SLC16A7: variants seen among roughly 807,000 people sequenced by gnomAD.
SLC16A7 encodes the protein solute carrier family 16 member 7, also known as monocarboxylate transporter 2.
SLC16A7 carries 33 observed loss-of-function variants against 34.9 expected under a neutral mutation model. The ratio of observed to expected loss-of-function variants is 0.94; its 90% CI spans 0.72 to 1.26. SLC16A7 has a LOEUF of 1.26. SLC16A7 is among the 50% of genes most tolerant of loss of function. The pLI, the probability that SLC16A7 is intolerant of heterozygous loss-of-function variation, is 0.00. For synonymous variants in SLC16A7, 201 were observed against 206.6 expected (o/e 0.97, Z 0.23); for missense variants, 573 against 578.1 (o/e 0.99, Z 0.09).
At chr12:59,747,378 G>C (rs973479774) in intron 3 of SLC16A7, among the ~76,000 whole-genome samples, 2 of 151,998 alleles carry the variant, frequency 1.3e-5, no homozygotes, top group African/African-American at 4.8e-5. Context: ...AAAATATATT[G>C]TACAGAAAAT....
chr12:59,642,174 G>A (rs904581731), intron 1 of SLC16A7, among the ~76,000 whole-genome samples: 15 of 151,974 alleles, frequency 9.9e-5, no homozygotes, highest in African/African-American at 3.4e-4. Context: ...TGCTCTGTTA[G>A]CATTTCCTGT....
Position 59,775,227 on chromosome 12 carries a change from C to T in SLC16A7, c.932C>T (p.Pro311Leu), listed in dbSNP as rs763385524. 7 of 1,613,936 alleles carry T rather than the reference C, an allele frequency of 4.3e-6. No homozygotes were observed. The African/African-American group carries it at 9.3e-5, about 22-fold the overall frequency. ...GLIANSKYIR[P>L]RIQYFFSFAI... Reference sequence around the variant, plus strand: ...ATTGCAAACTCCAAATATATTCGACCTCGAATTCAGTACTTCTTCAGTTTT... The same window carrying T: ...ATTGCAAACTCCAAATATATTCGACTTCGAATTCAGTACTTCTTCAGTTTT... Residue 311 changes from proline (P) to leucine (L), a missense_variant, in exon 5 of 6, where the codon CCT (proline) becomes CTT (leucine). Transcript: ENST00000547379.
At chr12:59,671,851 ATATGTGTATATGTATATATG>A (rs1420931548) in intron 2 of SLC16A7, among the ~76,000 whole-genome samples, 2 of 120,236 alleles carry the variant, frequency 1.7e-5, no homozygotes, top group South Asian at 2.4e-4. Flanking sequence ...ATGTGTATAT[ATATGTGTATATGTATATATG>A]TGTATATATG....
chr12:59,725,763 G>A (rs1876159903), intron 3 of SLC16A7, among the ~76,000 whole-genome samples: 1 of 151,962 alleles, frequency 6.6e-6, no homozygotes. Context: ...AGTATTCTTT[G>A]GCCATGCTAC....
intron 3 of SLC16A7, among the ~76,000 whole-genome samples, chr12:59,755,889 G>T (rs1880266980): frequency 6.6e-6 from 1 of 152,100 alleles, no homozygotes; most frequent in Non-Finnish European, 1.5e-5. Flanking sequence ...AAACAGCATG[G>T]TACTGGTACC....
At chr12:59,739,936 G>A (rs1005824883) in intron 3 of SLC16A7, among the ~76,000 whole-genome samples, 3 of 152,080 alleles carry the variant, frequency 2.0e-5, no homozygotes, top group Non-Finnish European at 2.9e-5. Context: ...TGTAGATTCT[G>A]GATATTAGCC....
chr12:59,655,141 G>A lies in SLC16A7; in HGVS notation c.-129-11G>A, dbSNP rs117454560. ...TATTTAGATGGTTACTATATTCTTT[G>A]ATTCTTCTAGGAGTCAATCTTAAGA... On this transcript the variant is annotated splice_polypyrimidine_tract_variant and intron_variant, in intron 1 of 5. Coordinates refer to ENST00000547379, the MANE Select transcript of SLC16A7 (RefSeq NM_001270623.2). The A allele has an allele frequency of 6.6e-6, 1 of 151,868 alleles. No homozygotes were observed. Among genetic ancestry groups the A allele is most frequent in the East Asian group, 1.9e-4 (1 of 5,160 alleles). 9.4% of individuals were successfully genotyped at this position (151,868 alleles called of 1,614,324 possible). A position where few individuals can be genotyped will look rare whatever the true frequency, so the allele number is the denominator to read the frequency against.
intron 3 of SLC16A7, among the ~76,000 whole-genome samples, chr12:59,709,810 C>T (rs143485033): frequency 3.3e-5 from 5 of 151,682 alleles, no homozygotes; most frequent in East Asian, 3.9e-4. Context: ...TTATGCTCAC[C>T]GTGCATCCAT....
intron 3 of SLC16A7, among the ~76,000 whole-genome samples, chr12:59,727,083 G>A (rs1169921483): frequency 6.6e-6 from 1 of 150,758 alleles, no homozygotes; most frequent in African/African-American, 2.4e-5. Context: ...TGGTGTTGGA[G>A]GAACTTTAGC....
At chr12:59,611,691 G>A (rs1285558905) in intron 1 of SLC16A7, among the ~76,000 whole-genome samples, 1 of 152,140 alleles carries the variant, frequency 6.6e-6, no homozygotes, top group African/African-American at 2.4e-5. Flanking sequence ...TCAAAAGCAA[G>A]TTAGTTACTT....
chr12:59,765,815 G>A (rs1315456844), intron 3 of SLC16A7, among the ~76,000 whole-genome samples: 1 of 152,132 alleles, frequency 6.6e-6, no homozygotes, highest in African/African-American at 2.4e-5. Context: ...TGGCAATGCG[G>A]GCTCTTTTTT....
At chr12:59,752,718 A>G (rs1047919579) in intron 3 of SLC16A7, among the ~76,000 whole-genome samples, 1 of 152,204 alleles carries the variant, frequency 6.6e-6, no homozygotes, top group Admixed American at 6.5e-5. Flanking sequence ...CAATCTAGCA[A>G]GGCAGGCCAA....
chr12:59,753,312 A>C (rs1445757924), intron 3 of SLC16A7, among the ~76,000 whole-genome samples: 1 of 152,232 alleles, frequency 6.6e-6, no homozygotes, highest in Admixed American at 6.5e-5. Flanking sequence ...CAGACTGGCA[A>C]ATTGGATAAA....
At chr12:59,690,044 T>A (rs551458600) in intron 2 of SLC16A7, among the ~76,000 whole-genome samples, 3 of 152,084 alleles carry the variant, frequency 2.0e-5, no homozygotes, top group African/African-American at 7.2e-5. Context: ...TAGAAAGGAT[T>A]CTGTGGCTTT....
At chr12:59,738,913 AT>A (rs1275847370) in intron 3 of SLC16A7, among the ~76,000 whole-genome samples, 5 of 151,210 alleles carry the variant, frequency 3.3e-5, no homozygotes, top group African/African-American at 1.2e-4. Context: ...TCACTTACCC[AT>A]TTATCTATGG....
chr12:59,641,348 C>T (rs561365984), intron 1 of SLC16A7, among the ~76,000 whole-genome samples: 1 of 152,164 alleles, frequency 6.6e-6, no homozygotes, highest in Non-Finnish European at 1.5e-5. Flanking sequence ...CCAAATTCTC[C>T]AGAGTCTATT....
intron 2 of SLC16A7, among the ~76,000 whole-genome samples, chr12:59,670,952 C>T (rs1308617623): frequency 6.6e-6 from 1 of 151,414 alleles, no homozygotes; most frequent in African/African-American, 2.4e-5. Flanking sequence ...CCATGAGTCT[C>T]CTCTCTCTTC....
At chr12:59,601,437 G>A (rs1878677517) in intron 1 of SLC16A7, among the ~76,000 whole-genome samples, 1 of 152,118 alleles carries the variant, frequency 6.6e-6, no homozygotes, top group South Asian at 2.1e-4. Context: ...AAAATTTCTA[G>A]GATTTGAAGT....
chr12:59,699,796 C>T (rs1872685045), intron 2 of SLC16A7, among the ~76,000 whole-genome samples: 1 of 151,760 alleles, frequency 6.6e-6, no homozygotes, highest in Admixed American at 6.6e-5. Context: ...CTGACATGCA[C>T]AGAACAGCAA....
Sources: gnomAD v4.1 joint callset for allele counts (sites outside exome capture counted in the v4.1 genomes callset) on GRCh38, gnomAD v4.1.1 for gene constraint, MANE v1.5 for transcripts, NCBI Gene and HGNC (gene_info 2026-07-23, HGNC 2026-07-21) for gene names.